AFF3: variants seen among roughly 807,000 people sequenced by gnomAD.
AFF3 encodes ALF transcription elongation factor 3, also known as AF4/FMR2 family member 3.
Under a neutral mutation model 129.7 loss-of-function variants are expected in AFF3, and 32 were observed. The observed-to-expected ratio is 0.25, with a 90% CI of 0.19 to 0.33. The LOEUF (loss-of-function observed/expected upper bound fraction) is 0.33. AFF3 is among the 10% of genes least tolerant of loss of function. The probability of loss-of-function intolerance (pLI) is 1.00; values close to 1 mark genes in which losing one functional copy is unlikely to be tolerated. For missense variants in AFF3, 1,373 were observed against 1,592.0 expected (o/e 0.86, Z 2.34); for synonymous variants, 644 against 635.4 (o/e 1.01, Z -0.20).
intron 18 of AFF3, among the ~76,000 whole-genome samples, chr2:99,574,218 C>A (rs756415212): frequency 6.6e-6 from 1 of 152,196 alleles, no homozygotes. Context: ...ACTAGTGTCA[C>A]CTTAATACTG....
intron 8 of AFF3, among the ~76,000 whole-genome samples, chr2:99,783,984 C>A (rs1684597888): frequency 6.6e-6 from 1 of 152,206 alleles, no homozygotes; most frequent in Non-Finnish European, 1.5e-5. Context: ...TGCATTAACT[C>A]TCTTTGATCA....
chr2:100,104,840 C>T, intron 3 of AFF3: 1 of 575,188 alleles, frequency 1.7e-6, no homozygotes, highest in Non-Finnish European at 2.2e-6. Context: ...TCTGCGCCCG[C>T]CCGCCCGCCT....
At chr2:100,135,915 T>C (rs1171080382) in intron 1 of AFF3, among the ~76,000 whole-genome samples, 1 of 152,008 alleles carries the variant, frequency 6.6e-6, no homozygotes, top group Non-Finnish European at 1.5e-5. Flanking sequence ...AATTCAATTC[T>C]GGATGATTTC....
intron 7 of AFF3, among the ~76,000 whole-genome samples, chr2:99,915,885 A>C (rs1241093487): frequency 6.6e-6 from 1 of 152,238 alleles, no homozygotes; most frequent in Non-Finnish European, 1.5e-5. Flanking sequence ...CCTGCAAAAA[A>C]TATAAAACTT....
chr2:99,946,727 T>A (rs1252621644), intron 7 of AFF3, among the ~76,000 whole-genome samples: 1 of 152,120 alleles, frequency 6.6e-6, no homozygotes, highest in Non-Finnish European at 1.5e-5. Flanking sequence ...ACTACACATA[T>A]AAAATGGTCT....
chr2:99,933,641 C>T (rs1224348941), intron 7 of AFF3, among the ~76,000 whole-genome samples: 1 of 152,110 alleles, frequency 6.6e-6, no homozygotes, highest in Non-Finnish European at 1.5e-5. Flanking sequence ...TGATGGTTTC[C>T]AGCTTCATCC....
chr2:100,009,074 G>C, intron 4 of AFF3, 142 bp from the exon 5 acceptor site: 1 of 1,167,574 alleles, frequency 8.6e-7, no homozygotes, highest in South Asian at 1.6e-5. Context: ...AAAAGCCAGA[G>C]TCATCAGGCA....
chr2:99,867,577 A>C (rs1308577000), intron 7 of AFF3, among the ~76,000 whole-genome samples: 1 of 35,644 alleles, frequency 2.8e-5, no homozygotes, highest in East Asian at 5.5e-4. Flanking sequence ...TTTCTATATT[A>C]AAAAAAAAAA....
At chr2:99,655,138 T>TA (rs147898878) in intron 12 of AFF3, among the ~76,000 whole-genome samples, 39,903 of 151,312 alleles carry the variant, frequency 0.26, 5,646 homozygotes, top group South Asian at 0.32. Context: ...GGACTTGGCT[T>TA]AGGTGGCAGT....
chr2:99,649,858 G>A (rs534599199), intron 12 of AFF3, among the ~76,000 whole-genome samples, 192 bp from the exon 13 acceptor site: 12 of 152,254 alleles, frequency 7.9e-5, no homozygotes, highest in African/African-American at 2.9e-4. Context: ...GAACCTTCAC[G>A]GACAGTTAAC....
intron 7 of AFF3, among the ~76,000 whole-genome samples, chr2:99,950,769 CTG>C (rs1174517571): frequency 6.6e-6 from 1 of 152,152 alleles, no homozygotes; most frequent in Admixed American, 6.5e-5. Context: ...GAATTTTAAA[CTG>C]TGTATTATTT....
chr2:99,899,302 T>C (rs1694192957), intron 7 of AFF3, among the ~76,000 whole-genome samples: 1 of 152,088 alleles, frequency 6.6e-6, no homozygotes, highest in Non-Finnish European at 1.5e-5. Context: ...TACAGATAAA[T>C]AAAAATTCAC....
At chr2:99,837,586 T>C (rs1688981794) in intron 7 of AFF3, 62 bp from the exon 8 acceptor site, 1 of 1,506,702 alleles carries the variant, frequency 6.6e-7, no homozygotes, top group South Asian at 1.1e-5. Flanking sequence ...ACAGAAGACA[T>C]GCAAGGTTCC....
At chr2:99,586,432 T>C (rs961193793) in intron 16 of AFF3, among the ~76,000 whole-genome samples, 2 of 152,252 alleles carry the variant, frequency 1.3e-5, no homozygotes, top group African/African-American at 4.8e-5. Context: ...TACATTTTTA[T>C]GTGTTGTGCC....
At chr2:99,642,286 G>T (rs1684277906) in intron 13 of AFF3, among the ~76,000 whole-genome samples, 1 of 150,886 alleles carries the variant, frequency 6.6e-6, no homozygotes, top group Admixed American at 6.6e-5. Flanking sequence ...GAGTGGTTTT[G>T]ATCTTTTTTT....
At chr2:100,065,139 A>G (rs543779224) in intron 4 of AFF3, among the ~76,000 whole-genome samples, 1 of 152,378 alleles carries the variant, frequency 6.6e-6, no homozygotes, top group Non-Finnish European at 1.5e-5. Context: ...AAATGACACT[A>G]AAGTTTTGAA....
intron 14 of AFF3, among the ~76,000 whole-genome samples, chr2:99,595,334 A>T (rs1332488275): frequency 1.3e-5 from 2 of 152,200 alleles, no homozygotes; most frequent in Non-Finnish European, 2.9e-5. Context: ...TCTAAGTGAA[A>T]TGGGGAAAGT....
intron 17 of AFF3, among the ~76,000 whole-genome samples, chr2:99,582,470 T>C (rs773709972): frequency 1.3e-5 from 2 of 152,234 alleles, no homozygotes; most frequent in African/African-American, 4.8e-5. Context: ...AAGAAATTTT[T>C]CCCAACAGAA....
chr2:99,700,605 A>C (rs978423168), intron 11 of AFF3, among the ~76,000 whole-genome samples: 8 of 152,222 alleles, frequency 5.3e-5, no homozygotes, highest in African/African-American at 1.9e-4. Flanking sequence ...TCTCTTATTA[A>C]ATCTGCAGTA....
Sources: allele counts gnomAD v4.1 joint callset (sites outside exome capture counted in the v4.1 genomes callset), GRCh38; gene constraint gnomAD v4.1.1; transcripts MANE v1.5; gene names NCBI Gene and HGNC (gene_info 2026-07-23, HGNC 2026-07-21).